Variants in CNTN4 observed in about 807,000 individuals in gnomAD.
CNTN4 encodes contactin-4.
A neutral mutation model predicts 122.5 loss-of-function variants in CNTN4; 77 were observed. The observed-to-expected ratio is 0.63, with a 90% CI of 0.52 to 0.76. The LOEUF is 0.76. CNTN4 is among the 30% of genes least tolerant of loss of function. CNTN4 has a pLI of 0.00. For synonymous variants in CNTN4, 512 were observed against 447.0 expected (o/e 1.15, Z -1.83); for missense variants, 1,256 against 1,259.1 (o/e 1.00, Z 0.04).
chr3:2,673,272 A>G (rs541039160), intron 4 of CNTN4, among the ~76,000 whole-genome samples: 50 of 152,310 alleles, frequency 3.3e-4, no homozygotes, highest in Non-Finnish European at 6.0e-4. Context: ...TTGGGTGGCT[A>G]TGTACAGTCG....
intron 13 of CNTN4, among the ~76,000 whole-genome samples, chr3:2,965,728 C>A (rs1284672260): frequency 1.3e-5 from 2 of 152,166 alleles, no homozygotes; most frequent in Non-Finnish European, 2.9e-5. Flanking sequence ...ATGTGACTGG[C>A]AAGGGTCTTT....
At chr3:2,528,935 A>G (rs575815790) in intron 3 of CNTN4, among the ~76,000 whole-genome samples, 1 of 152,240 alleles carries the variant, frequency 6.6e-6, no homozygotes, top group East Asian at 1.9e-4. Flanking sequence ...CTCAACATTC[A>G]TCATTTCTTT....
At chr3:2,167,357 G>A (rs903447721) in intron 2 of CNTN4, among the ~76,000 whole-genome samples, 2 of 151,994 alleles carry the variant, frequency 1.3e-5, no homozygotes, top group African/African-American at 2.4e-5. Context: ...AAAAGGTAAC[G>A]TGTAACAATA....
chr3:2,123,695 A>T (rs12635166), intron 2 of CNTN4, among the ~76,000 whole-genome samples: 4 of 152,112 alleles, frequency 2.6e-5, no homozygotes, highest in African/African-American at 9.7e-5. Context: ...ATGATTTATT[A>T]TAGGGGATTC....
At chr3:2,328,295 A>G (rs1379891194) in intron 2 of CNTN4, among the ~76,000 whole-genome samples, 2 of 150,300 alleles carry the variant, frequency 1.3e-5, no homozygotes, top group South Asian at 2.2e-4. Context: ...AGTCCCAGCT[A>G]CTCGGGAGGC....
intron 6 of CNTN4, among the ~76,000 whole-genome samples, chr3:2,779,282 C>T (rs979350643): frequency 1.3e-5 from 2 of 151,804 alleles, no homozygotes; most frequent in African/African-American, 4.8e-5. Context: ...TTTGTTGGTT[C>T]GTTTGTGACA....
At chr3:2,544,509 A>G (rs1422988113) in intron 3 of CNTN4, among the ~76,000 whole-genome samples, 1 of 152,132 alleles carries the variant, frequency 6.6e-6, no homozygotes, top group African/African-American at 2.4e-5. Flanking sequence ...TTAATTAAAT[A>G]AAAACAATAT....
At chr3:2,786,019 G>A (rs557433064) in intron 6 of CNTN4, among the ~76,000 whole-genome samples, 15 of 151,840 alleles carry the variant, frequency 9.9e-5, no homozygotes, top group Admixed American at 1.3e-4. Flanking sequence ...GCTGGGCATC[G>A]GAGACTACAA....
At chr3:2,773,185 G>C (rs1195917180) in intron 6 of CNTN4, among the ~76,000 whole-genome samples, 2 of 152,070 alleles carry the variant, frequency 1.3e-5, no homozygotes, top group Non-Finnish European at 2.9e-5. Flanking sequence ...GGGTATACCT[G>C]AAGAAGGAAA....
chr3:2,735,073 A>G (rs2088981203), intron 4 of CNTN4, among the ~76,000 whole-genome samples: 1 of 152,246 alleles, frequency 6.6e-6, no homozygotes, highest in African/African-American at 2.4e-5. Flanking sequence ...ATACAAAAAT[A>G]GGTAAGATAC....
intron 2 of CNTN4, among the ~76,000 whole-genome samples, chr3:2,278,446 G>C (rs905873674): frequency 1.3e-5 from 2 of 152,080 alleles, no homozygotes; most frequent in African/African-American, 4.8e-5. Flanking sequence ...GGATCTTACT[G>C]GTCTCTTTCT....
chr3:3,040,755 C>T (rs975854245), intron 20 of CNTN4, among the ~76,000 whole-genome samples: 1 of 152,028 alleles, frequency 6.6e-6, no homozygotes, highest in Non-Finnish European at 1.5e-5. Context: ...TGGAGAAAAC[C>T]CATCTCTACT....
intron 3 of CNTN4, among the ~76,000 whole-genome samples, chr3:2,402,042 A>T (rs2150973082): frequency 6.6e-6 from 1 of 152,122 alleles, no homozygotes; most frequent in East Asian, 1.9e-4. Context: ...GAGGTCTATG[A>T]CATGTACTCT....
At chr3:2,342,433 TAAAAC>T (rs1011781625) in intron 3 of CNTN4, among the ~76,000 whole-genome samples, 5 of 152,150 alleles carry the variant, frequency 3.3e-5, no homozygotes, top group Admixed American at 3.3e-4. Context: ...ATATTATAAA[TAAAAC>T]AAGCCTGACA....
intron 13 of CNTN4, among the ~76,000 whole-genome samples, chr3:2,955,139 TAA>T: frequency 6.6e-6 from 1 of 152,172 alleles, no homozygotes; most frequent in East Asian, 1.9e-4. Flanking sequence ...AATGGACCAC[TAA>T]AAAACGGTAG....
At chr3:2,758,517 C>CTTTTT (rs34531341) in intron 6 of CNTN4, among the ~76,000 whole-genome samples, 2,661 of 124,190 alleles carry the variant, frequency 0.021, 160 homozygotes, top group South Asian at 0.04. Flanking sequence ...CAACACCATA[C>CTTTTT]TTTTTTTTTT....
Position 3,043,169 on chromosome 3 carries a change from A to T in CNTN4, c.2698+6A>T. ...TGTGACAACCCGAAAGCCACGTAAG[A>T]ACAGACTTGCTCAGAAATATTTTGG... On this transcript the variant is annotated splice_donor_region_variant and intron_variant, in intron 22 of 24. Transcript: ENST00000418658. The T allele has an allele frequency of 6.2e-7, 1 of 1,613,982 alleles. No individual in the cohort carries two copies. The highest frequency in any genetic ancestry group is 8.5e-7 in the Non-Finnish European group (1 of 1,179,944).
chr3:2,807,328 C>G (rs746878307), intron 6 of CNTN4, among the ~76,000 whole-genome samples: 1 of 152,164 alleles, frequency 6.6e-6, no homozygotes, highest in African/African-American at 2.4e-5. Flanking sequence ...TGAATGAACA[C>G]GTAGCTTGCG....
intron 2 of CNTN4, among the ~76,000 whole-genome samples, chr3:2,227,089 C>T (rs1240347665): frequency 6.6e-6 from 1 of 151,848 alleles, no homozygotes; most frequent in Non-Finnish European, 1.5e-5. Context: ...TTACTACCTG[C>T]GTATTTATTT....
Sources: gnomAD v4.1 joint callset for allele counts (sites outside exome capture counted in the v4.1 genomes callset) on GRCh38, gnomAD v4.1.1 for gene constraint, MANE v1.5 for transcripts, NCBI Gene and HGNC (gene_info 2026-07-23, HGNC 2026-07-21) for gene names.